The following COL24A1 variants were observed in gnomAD, a reference collection of about 807,000 sequenced individuals.
The protein encoded by COL24A1 is collagen type XXIV alpha 1 chain, also known as collagen alpha-1(XXIV) chain.
A neutral mutation model predicts 253.9 loss-of-function variants in COL24A1; 224 were observed. The ratio of observed to expected loss-of-function variants is 0.88; its 90% CI spans 0.79 to 0.99. The LOEUF is 0.99. COL24A1 is among the 50% of genes least tolerant of loss of function. The probability of loss-of-function intolerance (pLI) is 0.00; values close to 1 mark genes in which losing one functional copy is unlikely to be tolerated. For synonymous variants in COL24A1, 685 were observed against 673.7 expected, an observed-to-expected ratio of 1.02 and a Z score of -0.26; for missense variants, 2,131 against 2,068.5, an observed-to-expected ratio of 1.03 and a Z score of -0.59.
intron 56 of COL24A1, 74 bp downstream of exon 56, chr1:85,745,367 G>A: frequency 1.1e-6 from 1 of 940,436 alleles, no homozygotes; most frequent in Admixed American, 2.7e-5. Flanking sequence ...TCACATTTTG[G>A]CCTCCAAAAA....
rs770781533 is a variant in COL24A1, at chr1:85,745,401, T to G, written c.4503+40A>C. ...AATTTTCTCTGTTTAATTGGTATATTGAGAGACAGTGCCAATATAAATAAA... is the reference window on the plus strand; with the variant it reads ...AATTTTCTCTGTTTAATTGGTATATGGAGAGACAGTGCCAATATAAATAAA... On this transcript the variant is annotated intron_variant, in intron 56 of 59. Transcript: ENST00000370571. 4.0e-6 allele frequency: 6 copies of G among 1,483,190 alleles called. No individual in the cohort carries two copies. The South Asian group carries it at 7.2e-5, about 18-fold the overall frequency. 91.9% of individuals were successfully genotyped at this position (1,483,190 alleles called of 1,614,324 possible).
At chr1:85,896,519 G>A (rs1047564025) in intron 28 of COL24A1, 110 bp from the exon 29 acceptor site, 7 of 871,578 alleles carry the variant, frequency 8.0e-6, no homozygotes, top group Admixed American at 4.1e-5. Context: ...TTTTTGAGAC[G>A]GAGTCTCACT....
chr1:85,942,341 C>T (rs1688829406), intron 24 of COL24A1, among the ~76,000 whole-genome samples: 1 of 148,052 alleles, frequency 6.8e-6, no homozygotes, highest in Non-Finnish European at 1.5e-5. Context: ...TCACATTTCT[C>T]ATTTCTTTCT....
In COL24A1 at chr1:86,139,675, T is replaced by C. The variant is rs555068558; in HGVS notation, c.121+6444A>G. ...ATTAATATAACATAGCACTTAAATT[T>C]AATGAATTCTCACTGTTTAAAATTT... On this transcript the variant is annotated intron_variant, in intron 2 of 59. Coordinates refer to ENST00000370571, the MANE Select transcript of COL24A1 (RefSeq NM_152890.7). Among the ~76,000 whole-genome samples the C allele has an allele frequency of 4.6e-5, 7 of 152,090 alleles. No homozygotes were observed. The South Asian group carries it at 1.5e-3, about 32-fold the overall frequency.
At position 85,755,153 on chromosome 1, in the gene COL24A1, G is replaced by T. The variant is rs565474676; in HGVS notation, c.4437+6243C>A. On this transcript the variant is annotated intron_variant, in intron 55 of 59. Coordinates refer to ENST00000370571, the MANE Select transcript of COL24A1 (RefSeq NM_152890.7). ...GCAGGCAGTAGGATAATATATTCAG[G>T]GTGCTAAAAGAAAAGACAGTCAGCC... Among the ~76,000 whole-genome samples the T allele has an allele frequency of 3.3e-5, 5 of 152,074 alleles. No individual in the cohort carries two copies. The South Asian group carries it at 1.0e-3, about 32-fold the overall frequency.
chr1:85,818,078 C>T lies in COL24A1; in HGVS notation c.3799G>A (p.Gly1267Arg). 6.2e-7 allele frequency: 1 copy of T among 1,613,242 alleles called. No individual in the cohort carries two copies. The highest frequency in any genetic ancestry group is 1.1e-5 in the South Asian group (1 of 91,046). ...KGERGSEGNK[G>R]KKGAPGPSGK... ...GAAGGACCAGGAGCTCCTTTTTTCC[C>T]CTTATTACCCTAAAGATGGAAAGCA... Residue 1267 changes from glycine (G) to arginine (R), a missense_variant, in exon 46 of 60, where the codon GGG becomes AGG. Gly to Arg is a moderately radical substitution (Grantham distance 125). Coordinates refer to ENST00000370571, the MANE Select transcript of COL24A1 (RefSeq NM_152890.7).
chr1:85,870,386 G>A (rs1480528471), intron 35 of COL24A1, among the ~76,000 whole-genome samples: 2 of 152,176 alleles, frequency 1.3e-5, no homozygotes, highest in Non-Finnish European at 2.9e-5. Context: ...CAAATCAACA[G>A]AATATACATT....
chr1:86,133,863 C>A (rs367835427), intron 2 of COL24A1, among the ~76,000 whole-genome samples: 5 of 152,104 alleles, frequency 3.3e-5, no homozygotes, highest in South Asian at 2.1e-4. Flanking sequence ...CTGGCCTCAT[C>A]AAATGAGTTA....
chr1:85,826,689 T>C (rs1417761684), intron 43 of COL24A1, among the ~76,000 whole-genome samples: 1 of 151,690 alleles, frequency 6.6e-6, no homozygotes, highest in African/African-American at 2.4e-5. Flanking sequence ...TTGAAGCAAT[T>C]GTGAATGGGA....
chr1:86,153,951 G>A (rs537830045), intron 1 of COL24A1: 33 of 152,192 alleles, frequency 2.2e-4, no homozygotes, highest in East Asian at 7.7e-4. Flanking sequence ...AGAAAGTGTC[G>A]TAAAGATCCA....
At chr1:86,083,350 A>G (rs1451588363) in intron 7 of COL24A1, among the ~76,000 whole-genome samples, 1 of 151,364 alleles carries the variant, frequency 6.6e-6, no homozygotes, top group Admixed American at 6.6e-5. Flanking sequence ...GGAACTATAT[A>G]TATCATATAT....
At chr1:85,837,930 A>G (rs1355426300) in intron 43 of COL24A1, among the ~76,000 whole-genome samples, 1 of 152,186 alleles carries the variant, frequency 6.6e-6, no homozygotes, top group Non-Finnish European at 1.5e-5. Context: ...AGGCAGGAAT[A>G]CAGAACATCC....
intron 55 of COL24A1, 86 bp from the exon 56 acceptor site, chr1:85,745,592 C>T (rs1042991921): frequency 3.2e-6 from 3 of 923,412 alleles, no homozygotes; most frequent in East Asian, 2.7e-5. Flanking sequence ...GAAAGCACTG[C>T]TGTTAAAGTA....
At chr1:85,754,825 A>G (rs1435590883) in intron 55 of COL24A1, among the ~76,000 whole-genome samples, 1 of 152,128 alleles carries the variant, frequency 6.6e-6, no homozygotes, top group East Asian at 1.9e-4. Flanking sequence ...GACTTAAGAG[A>G]TCTGTAGGAC....
intron 28 of COL24A1, among the ~76,000 whole-genome samples, chr1:85,901,754 G>A (rs1684316984): frequency 7.1e-6 from 1 of 140,310 alleles, no homozygotes; most frequent in Non-Finnish European, 1.5e-5. Flanking sequence ...ACAGGTTGCA[G>A]TGAGCCGAGA....
intron 59 of COL24A1, among the ~76,000 whole-genome samples, chr1:85,733,080 T>G (rs1280376581): frequency 6.6e-6 from 1 of 152,200 alleles, no homozygotes; most frequent in Non-Finnish European, 1.5e-5. Flanking sequence ...AATTTGTTGA[T>G]GATACTCATC....
At chr1:86,048,472 T>C (rs140730561) in intron 11 of COL24A1, among the ~76,000 whole-genome samples, 1 of 152,140 alleles carries the variant, frequency 6.6e-6, no homozygotes, top group East Asian at 1.9e-4. Flanking sequence ...TCTTGTGTAT[T>C]TATATGTTAA....
chr1:85,732,583 T>C (rs1249992529), intron 59 of COL24A1, among the ~76,000 whole-genome samples: 1 of 152,200 alleles, frequency 6.6e-6, no homozygotes, highest in Non-Finnish European at 1.5e-5. Flanking sequence ...ACTGCGATTA[T>C]CTAATTAGCT....
intron 9 of COL24A1, 125 bp from the exon 10 acceptor site, chr1:86,058,100 A>G (rs1029453406): frequency 3.2e-6 from 2 of 633,272 alleles, no homozygotes; most frequent in African/African-American, 3.7e-5. Context: ...AACTCTGTAT[A>G]ACTAATGAAG....
Sources: gnomAD v4.1 joint callset for allele counts (sites outside exome capture counted in the v4.1 genomes callset) on GRCh38, gnomAD v4.1.1 for gene constraint, MANE v1.5 for transcripts, NCBI Gene and HGNC (gene_info 2026-07-23, HGNC 2026-07-21) for gene names.